COPG2: variants seen among roughly 807,000 people sequenced by gnomAD.
COPG2 encodes the protein coat protein complex I subunit gamma 2.
Under a neutral mutation model 46.3 loss-of-function variants are expected in COPG2, and 37 were observed. That is an observed-to-expected ratio of 0.80 (90% CI 0.61 to 1.05). The LOEUF (loss-of-function observed/expected upper bound fraction) is 1.05. COPG2 is among the 50% of genes least tolerant of loss of function. COPG2 has a pLI of 0.00. For synonymous variants in COPG2, 159 were observed against 129.7 expected (o/e 1.23, Z -1.53); for missense variants, 427 against 387.8 (o/e 1.10, Z -0.85).
chr7:130,508,575 T>C lies in COPG2; in HGVS notation c.2234A>G (p.Asp745Gly), dbSNP rs1476979430. The C allele has an allele frequency of 1.2e-5, 9 of 776,184 alleles. No individual in the cohort carries two copies. The highest frequency in any genetic ancestry group is 2.2e-5 in the Non-Finnish European group (9 of 416,212). 48.1% of individuals were successfully genotyped at this position (776,184 alleles called of 1,614,324 possible). The change falls in exon 21 of 24, where the codon GAT (aspartate) becomes GGT (glycine). Residue 745 changes from aspartate (D) to glycine (G), a missense_variant. Physicochemically the swap from Asp to Gly is moderately conservative, Grantham distance 94. Transcript: ENST00000425248. ...GGGAAGACTCACCACATACTCATCA[T>C]CATACCCATCCTCATCTGGAACTCC... ...NTGVPDEDGY[D>G]DEYVLEDLEV...
intron 20 of COPG2, among the ~76,000 whole-genome samples, chr7:130,525,672 GAAAT>G (rs1173911054): frequency 2.0e-5 from 3 of 152,192 alleles, no homozygotes; most frequent in African/African-American, 7.2e-5. Context: ...ACATAGAGAT[GAAAT>G]AAAGTAGGCA....
At chr7:130,590,335 C>T (rs917254236) in intron 9 of COPG2, among the ~76,000 whole-genome samples, 9 of 152,128 alleles carry the variant, frequency 5.9e-5, no homozygotes, top group African/African-American at 1.9e-4. Context: ...GCTGCCATCT[C>T]GGCTCACTGC....
At chr7:130,575,376 T>C (rs914457303) in intron 9 of COPG2, among the ~76,000 whole-genome samples, 2 of 152,174 alleles carry the variant, frequency 1.3e-5, no homozygotes, top group African/African-American at 2.4e-5. Context: ...CCCTACAAGC[T>C]AGAAGGGATT....
At chr7:130,660,749 C>T (rs1421731330) in intron 4 of COPG2, among the ~76,000 whole-genome samples, 4 of 152,168 alleles carry the variant, frequency 2.6e-5, no homozygotes, top group Non-Finnish European at 5.9e-5. Flanking sequence ...AATGATCACC[C>T]ACTGCCACAG....
At chr7:130,638,618 T>A (rs1425948685) in intron 5 of COPG2, among the ~76,000 whole-genome samples, 1 of 152,176 alleles carries the variant, frequency 6.6e-6, no homozygotes, top group Non-Finnish European at 1.5e-5. Context: ...CAGACTGCTG[T>A]GCTGGCAGCA....
chr7:130,645,692 G>A (rs1387103078), intron 5 of COPG2: 1 of 155,714 alleles, frequency 6.4e-6, no homozygotes, highest in Non-Finnish European at 1.4e-5. Context: ...ACTCTAAGGT[G>A]GATGCCTACG....
intron 4 of COPG2, among the ~76,000 whole-genome samples, chr7:130,659,303 C>T (rs1232697637): frequency 1.6e-5 from 2 of 127,134 alleles, no homozygotes; most frequent in East Asian, 2.5e-4. Flanking sequence ...TGCAGTGAGC[C>T]GAGATCATGC....
chr7:130,642,793 C>T (rs548271245), intron 5 of COPG2, among the ~76,000 whole-genome samples: 20 of 152,296 alleles, frequency 1.3e-4, no homozygotes, highest in South Asian at 8.3e-4. Flanking sequence ...GAGGCCAAGA[C>T]GGGCAGATCA....
chr7:130,583,150 T>C (rs1584983211), intron 9 of COPG2, among the ~76,000 whole-genome samples: 1 of 151,546 alleles, frequency 6.6e-6, no homozygotes, highest in East Asian at 1.9e-4. Context: ...ATATACACCA[T>C]GGAATACTAT....
Position 130,612,244 on chromosome 7 carries a change from T to TA in COPG2, c.493-7dup. The TA allele has an allele frequency of 6.9e-7, 1 of 1,444,522 alleles. No homozygotes were observed. The allele number at this position is 1,444,522 out of a possible 1,614,324, so 89.5% of individuals were successfully genotyped here. On this transcript the variant is annotated splice_polypyrimidine_tract_variant and splice_region_variant and intron_variant, in intron 7 of 23. Transcript: ENST00000425248. ...TAGCTTATCTTCATCATGTGCTAAA[T>TA]ACAGAAAAAAAAAAATGAGAATAAA...
intron 9 of COPG2, among the ~76,000 whole-genome samples, chr7:130,590,466 C>G (rs549087781): frequency 6.9e-4 from 105 of 152,262 alleles, no homozygotes; most frequent in African/African-American, 2.4e-3. Flanking sequence ...CTGTGTTGGC[C>G]GGGCTGGTCT....
In COPG2 at chr7:130,535,699, G is replaced by C. The variant is rs1055170317; in HGVS notation, c.2149+11975C>G. The stretch of plus-strand genomic sequence containing the variant: ...GTATGGGATGAATGGGTGGGGCAGG[G>C]TTAGGGGCAGTGGGACTGGGACTGG... On this transcript the variant is annotated intron_variant, in intron 20 of 23. Coordinates refer to ENST00000425248, the MANE Select transcript of COPG2 (RefSeq NM_012133.6). 1.5e-4 allele frequency among the ~76,000 whole-genome samples: 13 copies of C among 88,358 alleles called. No homozygotes were observed. The South Asian group carries it at 5.4e-3, about 37-fold the overall frequency. 58.0% of individuals were successfully genotyped at this position (88,358 alleles called of 152,430 possible). A position where few individuals can be genotyped will look rare whatever the true frequency, so the allele number is the denominator to read the frequency against.
chr7:130,607,046 G>C (rs1033613109), intron 9 of COPG2, among the ~76,000 whole-genome samples: 1 of 151,866 alleles, frequency 6.6e-6, no homozygotes, highest in Non-Finnish European at 1.5e-5. Context: ...TTTGAGACCG[G>C]CCTGGGCAAC....
At chr7:130,509,236 T>G (rs782230942) in intron 20 of COPG2, 1 of 503,880 alleles carries the variant, frequency 2.0e-6, no homozygotes, top group East Asian at 5.5e-5. Context: ...GTAAAGTCAG[T>G]GTCTTAAATG....
At chr7:130,619,869 ATTCTT>A (rs1795009191) in intron 5 of COPG2, among the ~76,000 whole-genome samples, 1 of 152,140 alleles carries the variant, frequency 6.6e-6, no homozygotes, top group Admixed American at 6.5e-5. Flanking sequence ...TACTGTCCCC[ATTCTT>A]TTCTGACACT....
chr7:130,550,348 T>C (rs1230429527), intron 17 of COPG2, among the ~76,000 whole-genome samples, 176 bp downstream of exon 17: 1 of 143,670 alleles, frequency 7.0e-6, no homozygotes, highest in African/African-American at 2.7e-5. Context: ...GAGGTAGAGG[T>C]TGCAGTGACT....
intron 20 of COPG2, among the ~76,000 whole-genome samples, chr7:130,542,418 A>T: frequency 6.6e-6 from 1 of 152,186 alleles, no homozygotes; most frequent in East Asian, 1.9e-4. Context: ...TTAGAGGCAG[A>T]ACTGAGAATA....
intron 4 of COPG2, among the ~76,000 whole-genome samples, chr7:130,657,754 T>C (rs1385028180): frequency 1.3e-5 from 2 of 152,160 alleles, no homozygotes; most frequent in Admixed American, 1.3e-4. Context: ...CAACAGAAGA[T>C]ATACGGAAGG....
chr7:130,553,451 T>C (rs1265046494), intron 14 of COPG2, among the ~76,000 whole-genome samples: 2 of 150,442 alleles, frequency 1.3e-5, no homozygotes, highest in African/African-American at 4.9e-5. Flanking sequence ...ACCAAGAAAA[T>C]AGAAGAGAAT....
Sources: allele counts gnomAD v4.1 joint callset (sites outside exome capture counted in the v4.1 genomes callset), GRCh38; gene constraint gnomAD v4.1.1; transcripts MANE v1.5; gene names NCBI Gene and HGNC (gene_info 2026-07-23, HGNC 2026-07-21).